The following KCNMB2 variants were observed in gnomAD, a reference collection of about 807,000 sequenced individuals.
KCNMB2 encodes potassium calcium-activated channel subfamily M regulatory beta subunit 2.
A neutral mutation model predicts 24.5 loss-of-function variants in KCNMB2; 9 were observed. That is an observed-to-expected ratio of 0.37 (90% CI 0.22 to 0.64). KCNMB2 has a LOEUF of 0.64. Among genes scored for constraint, KCNMB2 ranks in the 30% least tolerant of loss-of-function variants. The pLI is 0.63. For synonymous variants in KCNMB2, 109 were observed against 104.4 expected, an observed-to-expected ratio of 1.04 and a Z score of -0.27; for missense variants, 226 against 284.3, an observed-to-expected ratio of 0.79 and a Z score of 1.47.
chr3:178,713,730 G>C (rs1272544886), intron 1 of KCNMB2, among the ~76,000 whole-genome samples: 3 of 152,094 alleles, frequency 2.0e-5, no homozygotes, highest in Non-Finnish European at 2.9e-5. Context: ...GCCATGCTCT[G>C]ACGCTGCTTC....
chr3:178,673,546 C>T (rs1417031587), intron 1 of KCNMB2, among the ~76,000 whole-genome samples: 1 of 152,038 alleles, frequency 6.6e-6, no homozygotes, highest in Non-Finnish European at 1.5e-5. Context: ...TTTCACCTTC[C>T]CTCCTCTTAC....
intron 1 of KCNMB2, among the ~76,000 whole-genome samples, chr3:178,587,695 C>T (rs1717498365): frequency 1.3e-5 from 2 of 151,348 alleles, no homozygotes; most frequent in South Asian, 4.2e-4. Flanking sequence ...ATCCGCCCAC[C>T]TCGGCCTCCC....
intron 1 of KCNMB2, among the ~76,000 whole-genome samples, chr3:178,679,041 T>TTTGTTTG (rs368857082): frequency 2.3e-5 from 3 of 130,130 alleles, no homozygotes; most frequent in African/African-American, 9.7e-5. Context: ...TGTTTGTTTG[T>TTTGTTTG]TTTTTGTTTT....
chr3:178,609,394 T>G (rs1718395948), intron 1 of KCNMB2, among the ~76,000 whole-genome samples: 1 of 150,258 alleles, frequency 6.7e-6, no homozygotes, highest in Admixed American at 6.6e-5. Context: ...ATTAATCCCT[T>G]GTCTGAGGTG....
intron 1 of KCNMB2, among the ~76,000 whole-genome samples, chr3:178,602,464 C>T (rs1718117417): frequency 6.6e-6 from 1 of 151,638 alleles, no homozygotes; most frequent in Admixed American, 6.6e-5. Context: ...GACAAGGAAT[C>T]AGCAATTACA....
intron 1 of KCNMB2, chr3:178,748,416 C>T (rs560576420): frequency 6.6e-6 from 1 of 152,248 alleles, no homozygotes; most frequent in African/African-American, 2.4e-5. Flanking sequence ...ATCTATAGAT[C>T]TTATCAGCTC....
intron 1 of KCNMB2, among the ~76,000 whole-genome samples, chr3:178,742,278 C>T (rs1366273006): frequency 6.6e-6 from 1 of 152,194 alleles, no homozygotes; most frequent in Non-Finnish European, 1.5e-5. Context: ...CACATTCTTT[C>T]AACAAGGGTG....
chr3:178,537,435 T>C (rs1474688576), intron 1 of KCNMB2: 1 of 152,224 alleles, frequency 6.6e-6, no homozygotes, highest in African/African-American at 2.4e-5. Flanking sequence ...GGTTATGGAC[T>C]TGACATTTTA....
intron 1 of KCNMB2, among the ~76,000 whole-genome samples, chr3:178,563,165 T>C (rs1281131822): frequency 6.6e-6 from 1 of 152,176 alleles, no homozygotes; most frequent in African/African-American, 2.4e-5. Flanking sequence ...TTCCAAGTAT[T>C]TGAAGGTTGC....
intron 1 of KCNMB2, among the ~76,000 whole-genome samples, chr3:178,565,318 C>T (rs1437744210): frequency 6.6e-6 from 1 of 152,126 alleles, no homozygotes; most frequent in Non-Finnish European, 1.5e-5. Context: ...AAGCAGCCAC[C>T]AGCAGTCGAG....
intron 1 of KCNMB2, among the ~76,000 whole-genome samples, chr3:178,770,172 T>C (rs923031809): frequency 1.3e-5 from 2 of 152,206 alleles, no homozygotes; most frequent in African/African-American, 4.8e-5. Flanking sequence ...TACTAAATTC[T>C]AGTTGCCCAA....
At chr3:178,647,985 A>G (rs1383628435) in intron 1 of KCNMB2, among the ~76,000 whole-genome samples, 1 of 152,054 alleles carries the variant, frequency 6.6e-6, no homozygotes, top group Non-Finnish European at 1.5e-5. Flanking sequence ...TATACAGTAC[A>G]TATTGTCTTT....
chr3:178,721,433 T>C (rs1722802113), intron 1 of KCNMB2, among the ~76,000 whole-genome samples: 1 of 152,210 alleles, frequency 6.6e-6, no homozygotes. Flanking sequence ...CTGAGTAGTA[T>C]CCCATTGTAG....
intron 1 of KCNMB2, among the ~76,000 whole-genome samples, chr3:178,570,032 A>G (rs976520688): frequency 6.6e-6 from 1 of 152,182 alleles, no homozygotes; most frequent in Non-Finnish European, 1.5e-5. Context: ...TTTGGAATGT[A>G]GCCATGTCTG....
chr3:178,818,354 T>C (rs1026291905), intron 2 of KCNMB2, among the ~76,000 whole-genome samples: 3 of 152,180 alleles, frequency 2.0e-5, no homozygotes, highest in African/African-American at 7.2e-5. Context: ...GGTGGTTTGC[T>C]GCACCTATCA....
intron 1 of KCNMB2, among the ~76,000 whole-genome samples, chr3:178,747,490 C>T (rs554831230): frequency 2.0e-5 from 3 of 152,188 alleles, no homozygotes; most frequent in Non-Finnish European, 4.4e-5. Context: ...ATCCTCACAA[C>T]AATCTTATAA....
intron 1 of KCNMB2, among the ~76,000 whole-genome samples, chr3:178,679,102 G>T (rs1368106178): frequency 6.6e-6 from 1 of 151,280 alleles, no homozygotes; most frequent in African/African-American, 2.4e-5. Context: ...TGTGCACATT[G>T]TGCAGGTTAG....
chr3:178,817,107 C>T (rs1270100397), intron 2 of KCNMB2, among the ~76,000 whole-genome samples: 4 of 151,316 alleles, frequency 2.6e-5, no homozygotes, highest in Admixed American at 2.6e-4. Context: ...TAGTGTCTTA[C>T]CCATAAGACC....
At chr3:178,602,371 G>A (rs144053188) in intron 1 of KCNMB2, among the ~76,000 whole-genome samples, 66 of 152,154 alleles carry the variant, frequency 4.3e-4, no homozygotes, top group African/African-American at 1.4e-3. Context: ...TTCTGATTTA[G>A]TTAATAGCTT....
Sources: gnomAD v4.1 joint callset for allele counts (sites outside exome capture counted in the v4.1 genomes callset) on GRCh38, gnomAD v4.1.1 for gene constraint, MANE v1.5 for transcripts, NCBI Gene and HGNC (gene_info 2026-07-23, HGNC 2026-07-21) for gene names.